Variants in GABARAPL2 observed in about 807,000 individuals in gnomAD.
GABARAPL2 encodes gamma-aminobutyric acid receptor-associated protein-like 2.
A neutral mutation model predicts 16.9 loss-of-function variants in GABARAPL2; 11 were observed. The ratio of observed to expected loss-of-function variants is 0.65; its 90% CI spans 0.41 to 1.08. The LOEUF (loss-of-function observed/expected upper bound fraction) is 1.08. Among genes scored for constraint, GABARAPL2 ranks in the 50% least tolerant of loss-of-function variants. The probability of loss-of-function intolerance (pLI) is 0.00; values close to 1 mark genes in which losing one functional copy is unlikely to be tolerated. For missense variants in GABARAPL2, 134 were observed against 142.5 expected (o/e 0.94, Z 0.30); for synonymous variants, 57 against 50.7 (o/e 1.12, Z -0.53).
intron 1 of GABARAPL2, 56 bp from the exon 2 acceptor site, chr16:75,566,796 C>T (rs888094292): frequency 3.2e-5 from 48 of 1,521,616 alleles, no homozygotes; most frequent in Non-Finnish European, 4.2e-5. Context: ...GGGCCGGGGG[C>T]CGGGAACCGA....
intron 3 of GABARAPL2, among the ~76,000 whole-genome samples, chr16:75,571,088 T>C (rs1217655243): frequency 3.9e-5 from 6 of 152,212 alleles, no homozygotes; most frequent in Admixed American, 3.3e-4. Flanking sequence ...TATTATTTTT[T>C]ATTGTTGTTG....
rs1042434804 is a variant in GABARAPL2, at chr16:75,577,299, A to G, written c.284A>G (p.Tyr95Cys). The G allele has an allele frequency of 3.1e-6, 5 of 1,611,342 alleles. No homozygotes were observed. In the South Asian group the frequency reaches 5.5e-5, roughly 18 times the overall value. The part of the protein sequence containing the change: ...PQSSLTMGQL[Y>C]EKEKDEDGFL... ...TCAAGCCTAACTATGGGACAGCTTT[A>G]CGAGAAGGAAAAAGATGAAGATGGA... The change falls in exon 4 of 4, where the codon TAC (tyrosine) becomes TGC (cysteine). Residue 95 changes from tyrosine to cysteine, a missense_variant. Physicochemically the swap from Tyr to Cys is radical, Grantham distance 194. Transcript: ENST00000037243.
At position 75,574,810 on chromosome 16, in the gene GABARAPL2, A is replaced by AATCCAGCACTTTGGGAGGCGGAGGC. The variant is rs1597060909; in HGVS notation, c.264-2469_264-2468insATCCAGCACTTTGGGAGGCGGAGGC. Among the ~76,000 whole-genome samples the AATCCAGCACTTTGGGAGGCGGAGGC allele has an allele frequency of 9.6e-4, 18 of 18,730 alleles. 1 individual carries two copies. The highest frequency in any genetic ancestry group is 0.091 in the East Asian group (2 of 22). The allele number at this position is 18,730 out of a possible 152,430, so 12.3% of individuals were successfully genotyped here. A position where few individuals can be genotyped will look rare whatever the true frequency, so the allele number is the denominator to read the frequency against. On this transcript the variant is annotated intron_variant, in intron 3 of 3. Transcript: ENST00000037243. ...GAGGCCGGACACGGTGGCTCACCTG[A>AATCCAGCACTTTGGGAGGCGGAGGC]GGTCAGGAGTTCAAGACCAGCCTGG...
intron 2 of GABARAPL2, among the ~76,000 whole-genome samples, chr16:75,567,382 C>T (rs2080890385): frequency 6.6e-6 from 1 of 152,204 alleles, no homozygotes; most frequent in Non-Finnish European, 1.5e-5. Flanking sequence ...CGCTGAAAAC[C>T]CCTTCTGCCA....
At chr16:75,567,059 G>C (rs964613075) in intron 2 of GABARAPL2, 152 bp downstream of exon 2, 2 of 674,986 alleles carry the variant, frequency 3.0e-6, no homozygotes, top group African/African-American at 3.5e-5. Flanking sequence ...GCCCAGGGCC[G>C]GGGCGTGAGG....
intron 3 of GABARAPL2, among the ~76,000 whole-genome samples, chr16:75,573,855 G>A (rs563906886): frequency 7.9e-5 from 12 of 152,178 alleles, no homozygotes; most frequent in Non-Finnish European, 1.6e-4. Flanking sequence ...TAGAATCTCT[G>A]TGCCTCAGTT....
chr16:75,566,572 C>A, intron 1 of GABARAPL2, 52 bp downstream of exon 1: 2 of 1,592,332 alleles, frequency 1.3e-6, no homozygotes, highest in Non-Finnish European at 8.6e-7. Context: ...GGCGGGTGGG[C>A]CCCCTCCCCC....
chr16:75,570,563 G>A lies in GABARAPL2; in HGVS notation c.263+2354G>A, dbSNP rs777631105. 5.4e-4 allele frequency among the ~76,000 whole-genome samples: 82 copies of A among 152,234 alleles called. 1 individual carries two copies. Among genetic ancestry groups the A allele is most frequent in the South Asian group, 1.0e-3 (5 of 4,824 alleles). On this transcript the variant is annotated intron_variant, in intron 3 of 3. Coordinates refer to ENST00000037243, the MANE Select transcript of GABARAPL2 (RefSeq NM_007285.7). ...AGGCCTGCAGGAGCCCTCCCTCTCC[G>A]GTGACTGACTGGTCTGCATGAAGAT...
intron 3 of GABARAPL2, chr16:75,576,682 A>G (rs2080951634): frequency 6.5e-6 from 1 of 152,766 alleles, no homozygotes; most frequent in Non-Finnish European, 1.5e-5. Context: ...AGTCTGTTTT[A>G]CTGCTTAGGG....
chr16:75,573,273 AT>A (rs1014179394), intron 3 of GABARAPL2, among the ~76,000 whole-genome samples: 12 of 152,146 alleles, frequency 7.9e-5, no homozygotes, highest in Admixed American at 3.3e-4. Context: ...AAATGAGTTA[AT>A]TTTTTTTAAG....
At chr16:75,573,606 G>C (rs1214232401) in intron 3 of GABARAPL2, among the ~76,000 whole-genome samples, 2 of 152,252 alleles carry the variant, frequency 1.3e-5, no homozygotes, top group Admixed American at 1.3e-4. Flanking sequence ...GGGAAGGAGA[G>C]AGCCCTAAGA....
chr16:75,573,321 A>G (rs1163552528), intron 3 of GABARAPL2, among the ~76,000 whole-genome samples: 1 of 152,202 alleles, frequency 6.6e-6, no homozygotes, highest in Admixed American at 6.5e-5. Context: ...CTGCAGGCCA[A>G]ATTATTCTGA....
Position 75,577,444 on chromosome 16 carries a change from C to T in GABARAPL2, c.*75C>T, listed in dbSNP as rs2080956794. The T allele has an allele frequency of 1.1e-5, 9 of 853,786 alleles. No homozygotes were observed. The highest frequency in any genetic ancestry group is 1.7e-5 in the African/African-American group (1 of 60,248). The allele number at this position is 853,786 out of a possible 1,614,324, so 52.9% of individuals were successfully genotyped here. ...TAGCCAGCCATTTTCAGTTATTATA[C>T]CAGAACCTCTTCACATAGACCTATT... On this transcript the variant is annotated 3_prime_UTR_variant, in exon 4 of 4. Transcript: ENST00000037243.
At chr16:75,573,515 A>G (rs2080928999) in intron 3 of GABARAPL2, among the ~76,000 whole-genome samples, 1 of 152,212 alleles carries the variant, frequency 6.6e-6, no homozygotes, top group Non-Finnish European at 1.5e-5. Flanking sequence ...TTTCCACATG[A>G]GGTTGTGTGT....
intron 3 of GABARAPL2, among the ~76,000 whole-genome samples, chr16:75,572,928 A>G (rs2080924819): frequency 6.6e-6 from 1 of 152,218 alleles, no homozygotes; most frequent in Non-Finnish European, 1.5e-5. Flanking sequence ...TGTTCTCTAC[A>G]GCCACCTCCC....
chr16:75,569,090 C>T (rs1284072487), intron 3 of GABARAPL2, among the ~76,000 whole-genome samples: 1 of 152,190 alleles, frequency 6.6e-6, no homozygotes, highest in Admixed American at 6.5e-5. Flanking sequence ...TCTCAGAAGC[C>T]CTGGGAACTA....
intron 3 of GABARAPL2, among the ~76,000 whole-genome samples, chr16:75,569,797 A>G (rs189158150): frequency 3.4e-4 from 52 of 152,312 alleles, no homozygotes; most frequent in Non-Finnish European, 6.3e-4. Flanking sequence ...TATCCCTGAG[A>G]TAGAAATAGA....
intron 1 of GABARAPL2, 69 bp from the exon 2 acceptor site, chr16:75,566,783 G>A: frequency 2.1e-6 from 3 of 1,418,508 alleles, no homozygotes; most frequent in Admixed American, 3.4e-5. Context: ...CGCAGGAGGA[G>A]GAGGGCCGGG....
chr16:75,567,884 G>A (rs1445690745), intron 2 of GABARAPL2, among the ~76,000 whole-genome samples, 153 bp from the exon 3 acceptor site: 1 of 152,176 alleles, frequency 6.6e-6, no homozygotes, highest in Non-Finnish European at 1.5e-5. Context: ...AACCTCCAGA[G>A]CGTGTGGTTT....
Sources: allele counts gnomAD v4.1 joint callset (sites outside exome capture counted in the v4.1 genomes callset), GRCh38; gene constraint gnomAD v4.1.1; transcripts MANE v1.5; gene names NCBI Gene and HGNC (gene_info 2026-07-23, HGNC 2026-07-21).